The following HAMP variants were observed in gnomAD, a reference collection of about 807,000 sequenced individuals.
The protein encoded by HAMP is hepcidin antimicrobial peptide.
Under a neutral mutation model 7.8 loss-of-function variants are expected in HAMP, and 5 were observed. The ratio of observed to expected loss-of-function variants is 0.64; its 90% CI spans 0.33 to 1.34. HAMP has a LOEUF of 1.34. HAMP is among the 40% of genes most tolerant of loss of function. The probability of loss-of-function intolerance (pLI) is 0.05; values close to 1 mark genes in which losing one functional copy is unlikely to be tolerated. For missense variants in HAMP, 105 were observed against 104.1 expected (o/e 1.01, Z -0.04); for synonymous variants, 52 against 38.6 (o/e 1.35, Z -1.28).
chr19:35,284,831 G>A lies in HAMP; in HGVS notation c.133G>A (p.Ala45Thr), dbSNP rs553493139. 3 of 1,613,696 alleles carry A rather than the reference G, an allele frequency of 1.9e-6. No individual in the cohort carries two copies. The highest frequency in any genetic ancestry group is 2.5e-6 in the Non-Finnish European group (3 of 1,179,620). Reference sequence around the variant, plus strand: ...GCTGCAACCCCAGGACAGAGCTGGAGCCAGGGCCAGCTGGATGGTGAGCGC... The same window carrying A: ...GCTGCAACCCCAGGACAGAGCTGGAACCAGGGCCAGCTGGATGGTGAGCGC... ...AELQPQDRAG[A>T]RASWMPMFQR... The change falls in exon 2 of 3, where the codon GCC becomes ACC. Residue 45 changes from alanine to threonine, a missense_variant. Physicochemically the swap from Ala to Thr is moderately conservative, Grantham distance 58. Coordinates refer to ENST00000222304, the MANE Select transcript of HAMP (RefSeq NM_021175.4).
At chr19:35,283,095 A>G (rs2066311117) in intron 1 of HAMP, 1 of 272,148 alleles carries the variant, frequency 3.7e-6, no homozygotes, top group Non-Finnish European at 7.3e-6. Flanking sequence ...CCAAAAAAGA[A>G]CAGAAATCAA....
rs764314011 is a variant in HAMP at position 35,282,648 on chromosome 19, G to T, written c.71G>T (p.Gly24Val). 6.2e-7 allele frequency: 1 copy of T among 1,614,050 alleles called. No individual in the cohort carries two copies. Among genetic ancestry groups the T allele is most frequent in the East Asian group, 2.2e-5 (1 of 44,886 alleles). ...LLLLLASLTS[G>V]SVFPQQTGQL... The stretch of plus-strand genomic sequence containing the variant: ...CTCCTCCTCGCCAGCCTGACCAGTG[G>T]CTCTGTTTTCCCACAACAGGTGAGA... Residue 24 changes from glycine (G) to valine (V), a missense_variant, in exon 1 of 3, where the codon GGC becomes GTC. Transcript: ENST00000222304.
chr19:35,284,700 C>A (rs1271540086), intron 1 of HAMP, 89 bp from the exon 2 acceptor site: 40 of 980,762 alleles, frequency 4.1e-5, no homozygotes, highest in South Asian at 3.2e-4. Context: ...TGGGTTTAAA[C>A]CACTTGGAGA....
chr19:35,282,875 G>C, intron 1 of HAMP: 1 of 567,410 alleles, frequency 1.8e-6, no homozygotes, highest in South Asian at 1.9e-5. Flanking sequence ...CCCACTTGAG[G>C]TCAGTTTGAG....
At chr19:35,283,069 G>A (rs913968143) in intron 1 of HAMP, 4 of 289,404 alleles carry the variant, frequency 1.4e-5, no homozygotes. Context: ...CCTGGCAACA[G>A]AGCAAGACTC....
At chr19:35,284,586 G>A (rs2066317438) in intron 1 of HAMP, 1 of 602,738 alleles carries the variant, frequency 1.7e-6, no homozygotes. Flanking sequence ...TGTGGAAAGA[G>A]GAGGAGGCGG....
intron 1 of HAMP, 94 bp downstream of exon 1, chr19:35,282,761 A>C: frequency 1.0e-6 from 1 of 983,114 alleles, no homozygotes; most frequent in Non-Finnish European, 1.7e-6. Context: ...AGCACTGAGC[A>C]GAGCTCAGGA....
chr19:35,284,876 G>A, intron 2 of HAMP, 28 bp downstream of exon 2: 1 of 1,608,890 alleles, frequency 6.2e-7, no homozygotes, highest in Non-Finnish European at 8.5e-7. Context: ...GCCTTTCCTA[G>A]CCCCCTGCTC....
chr19:35,284,535 T>G (rs2066317190), intron 1 of HAMP: 1 of 582,462 alleles, frequency 1.7e-6, no homozygotes, highest in Admixed American at 3.0e-5. Context: ...GGCACTGGCA[T>G]CCAGGCAGGG....
At position 35,282,645 on chromosome 19, in the gene HAMP, G is replaced by C; in HGVS notation, c.68G>C (p.Ser23Thr). ...CTCCTCCTCCTCGCCAGCCTGACCAGTGGCTCTGTTTTCCCACAACAGGTG... is the reference window on the plus strand; with the variant it reads ...CTCCTCCTCCTCGCCAGCCTGACCACTGGCTCTGTTTTCCCACAACAGGTG... ...LLLLLLASLT[S>T]GSVFPQQTGQ... Residue 23 changes from serine to threonine, a missense_variant, in exon 1 of 3, where the codon AGT (serine) becomes ACT (threonine). Physicochemically the swap from Ser to Thr is moderately conservative, Grantham distance 58 (BLOSUM62 1). Coordinates refer to ENST00000222304, the MANE Select transcript of HAMP (RefSeq NM_021175.4). 1.2e-6 allele frequency: 2 copies of C among 1,614,094 alleles called. No homozygotes were observed. The highest frequency in any genetic ancestry group is 1.7e-6 in the Non-Finnish European group (2 of 1,179,954).
Position 35,282,573 on chromosome 19 carries a change from G to A in HAMP, c.-5G>A, listed in dbSNP as rs534927435. On this transcript the variant is annotated 5_prime_UTR_variant, in exon 1 of 3. Coordinates refer to ENST00000222304, the MANE Select transcript of HAMP (RefSeq NM_021175.4). ...CAGCAGTGGGACAGCCAGACAGACGGCACGATGGCACTGAGCTCCCAGATC... is the reference window on the plus strand; with the variant it reads ...CAGCAGTGGGACAGCCAGACAGACGACACGATGGCACTGAGCTCCCAGATC... 30 of 1,612,878 alleles carry A rather than the reference G, an allele frequency of 1.9e-5. No homozygotes were observed. In the African/African-American group the frequency reaches 3.3e-4, roughly 18 times the overall value.
rs140022984 is a variant in HAMP at position 35,285,060 on chromosome 19, C to A, written c.*18C>A. ...AGACGTAGAACCTACCTGCCCTGCCCCCGTCCCCTCCCTTCCTTATTTATT... is the reference window on the plus strand; with the variant it reads ...AGACGTAGAACCTACCTGCCCTGCCACCGTCCCCTCCCTTCCTTATTTATT... On this transcript the variant is annotated 3_prime_UTR_variant, in exon 3 of 3. Transcript: ENST00000222304. 2.4e-4 allele frequency: 350 copies of A among 1,437,612 alleles called. No homozygotes were observed. In the African/African-American group the frequency reaches 4.5e-3, roughly 19 times the overall value. The allele number at this position is 1,437,612 out of a possible 1,614,324, so 89.1% of individuals were successfully genotyped here.
intron 1 of HAMP, chr19:35,282,914 G>A (rs544326408): frequency 3.4e-5 from 16 of 470,742 alleles, no homozygotes; most frequent in African/African-American, 1.4e-4. Context: ...GTAAAACCCC[G>A]TCTCTACTAA....
In HAMP at chr19:35,284,814, C is replaced by A; in HGVS notation, c.116C>A (p.Pro39His). 6.2e-7 allele frequency: 1 copy of A among 1,614,002 alleles called. No individual in the cohort carries two copies. Among genetic ancestry groups the A allele is most frequent in the African/African-American group, 1.3e-5 (1 of 75,028 alleles). The part of the protein sequence containing the change: ...QQTGQLAELQ[P>H]QDRAGARASW... ...ACGGGACAACTTGCAGAGCTGCAAC[C>A]CCAGGACAGAGCTGGAGCCAGGGCC... The change falls in exon 2 of 3, where the codon CCC (proline) becomes CAC (histidine). Residue 39 changes from proline (P) to histidine (H), a missense_variant. Coordinates refer to ENST00000222304, the MANE Select transcript of HAMP (RefSeq NM_021175.4).
At chr19:35,284,663 G>A (rs981014758) in intron 1 of HAMP, 126 bp from the exon 2 acceptor site, 2 of 729,770 alleles carry the variant, frequency 2.7e-6, no homozygotes, top group East Asian at 5.2e-5. Context: ...AGAAAGCAAG[G>A]CCCCTCCTAA....
In HAMP at chr19:35,282,600, G is replaced by A; in HGVS notation, c.23G>A (p.Trp8Ter). 6.2e-7 allele frequency: 1 copy of A among 1,614,088 alleles called. No individual in the cohort carries two copies. Among genetic ancestry groups the A allele is most frequent in the Non-Finnish European group, 8.5e-7 (1 of 1,179,970 alleles). Residue 8 changes from tryptophan to a stop codon, truncating the protein, a stop_gained, in exon 1 of 3, where the codon TGG becomes TAG. Coordinates refer to ENST00000222304, the MANE Select transcript of HAMP (RefSeq NM_021175.4). LOFTEE classifies it high-confidence loss of function. ...ACGATGGCACTGAGCTCCCAGATCT[G>A]GGCCGCTTGCCTCCTGCTCCTCCTC... The part of the protein sequence containing the change: MALSSQI[W>*]AACLLLLLLL...
At position 35,284,946 on chromosome 19, in the gene HAMP, C is replaced by T. The variant is rs867633181; in HGVS notation, c.159C>T (p.Phe53=). 1 of 1,613,116 alleles carries T rather than the reference C, an allele frequency of 6.2e-7. No individual in the cohort carries two copies. Among genetic ancestry groups the T allele is most frequent in the Non-Finnish European group, 8.5e-7 (1 of 1,179,120 alleles). ...TCCCTTCCTTCCCACAGCCCATGTT[C>T]CAGAGGCGAAGGAGGCGAGACACCC... ...AGARASWMPM[F]QRRRRRDTHF... is the part of the protein sequence containing the mutation. Residue 53 remains phenylalanine (F), a synonymous_variant, in exon 3 of 3, where the codon TTC becomes TTT. Coordinates refer to ENST00000222304, the MANE Select transcript of HAMP (RefSeq NM_021175.4).
rs760522853 is a variant in HAMP at position 35,282,572 on chromosome 19, G to A, written c.-6G>A. ...CCAGCAGTGGGACAGCCAGACAGAC[G>A]GCACGATGGCACTGAGCTCCCAGAT... is the stretch of plus-strand genomic sequence containing the variant. On this transcript the variant is annotated 5_prime_UTR_variant, in exon 1 of 3. Transcript: ENST00000222304. The A allele has an allele frequency of 3.3e-5, 53 of 1,612,844 alleles. 2 individuals carry two copies. Among genetic ancestry groups the A allele is most frequent in the Middle Eastern group, 3.3e-4 (2 of 6,058 alleles).
chr19:35,283,710 G>A (rs2066313804), intron 1 of HAMP: 1 of 152,312 alleles, frequency 6.6e-6, no homozygotes, highest in Non-Finnish European at 1.5e-5. Flanking sequence ...TTGGGGATAA[G>A]GCTGAGGGGT....
Sources: allele counts gnomAD v4.1 joint callset, GRCh38; gene constraint gnomAD v4.1.1; transcripts MANE v1.5; gene names NCBI Gene and HGNC (gene_info 2026-07-23, HGNC 2026-07-21).